SRGAP3: variants seen among roughly 807,000 people sequenced by gnomAD.
SRGAP3 encodes the protein SLIT-ROBO Rho GTPase activating protein 3, also known as SLIT-ROBO Rho GTPase-activating protein 3.
SRGAP3 carries 39 observed loss-of-function variants against 121.1 expected under a neutral mutation model. That is an observed-to-expected ratio of 0.32 (90% CI 0.25 to 0.42). SRGAP3 has a LOEUF of 0.42. Among genes scored for constraint, SRGAP3 ranks in the 10% least tolerant of loss-of-function variants. The pLI is 1.00. For synonymous variants in SRGAP3, 601 were observed against 570.0 expected (o/e 1.05, Z -0.77); for missense variants, 1,213 against 1,470.6 (o/e 0.82, Z 2.86).
chr3:9,347,870 C>T (rs1955935235), intron 1 of SRGAP3, among the ~76,000 whole-genome samples: 1 of 152,222 alleles, frequency 6.6e-6, no homozygotes. Flanking sequence ...AACTGATCTA[C>T]TGAGTAATAC....
intron 1 of SRGAP3, among the ~76,000 whole-genome samples, chr3:9,241,327 G>A (rs1308069697): frequency 6.6e-6 from 1 of 152,076 alleles, no homozygotes; most frequent in Non-Finnish European, 1.5e-5. Flanking sequence ...ATGAATAATA[G>A]GAGTTTCTGG....
chr3:9,231,676 T>C (rs905075339), intron 1 of SRGAP3, among the ~76,000 whole-genome samples: 1 of 152,178 alleles, frequency 6.6e-6, no homozygotes, highest in Non-Finnish European at 1.5e-5. Context: ...GCTTCTGCAC[T>C]CAATGAGCTC....
chr3:9,061,760 G>C (rs942525530), intron 5 of SRGAP3, among the ~76,000 whole-genome samples: 8 of 152,222 alleles, frequency 5.3e-5, no homozygotes, highest in African/African-American at 1.9e-4. Flanking sequence ...CTGGATGGGA[G>C]AGGTGGGGTG....
intron 3 of SRGAP3, among the ~76,000 whole-genome samples, chr3:9,291,313 G>A (rs1241631116): frequency 2.0e-5 from 3 of 152,038 alleles, no homozygotes; most frequent in African/African-American, 4.8e-5. Flanking sequence ...CTGTGTTCCC[G>A]CTCTCATTAC....
chr3:9,146,287 G>A (rs527894435), intron 1 of SRGAP3, among the ~76,000 whole-genome samples: 1 of 152,192 alleles, frequency 6.6e-6, no homozygotes, highest in Non-Finnish European at 1.5e-5. Context: ...AAAGGTTCTT[G>A]TAGTAGAGTT....
intron 3 of SRGAP3, among the ~76,000 whole-genome samples, chr3:9,296,302 T>C (rs1025455574): frequency 1.3e-5 from 2 of 152,210 alleles, no homozygotes; most frequent in African/African-American, 4.8e-5. Context: ...GGCCAATGCT[T>C]ATTGTTTTCT....
At chr3:9,080,802 G>A (rs1463166545) in intron 3 of SRGAP3, among the ~76,000 whole-genome samples, 1 of 152,154 alleles carries the variant, frequency 6.6e-6, no homozygotes, top group Admixed American at 6.5e-5. Flanking sequence ...TCTAATGCAG[G>A]ATGATCTGTC....
chr3:9,323,556 G>C (rs752936062), intron 3 of SRGAP3, among the ~76,000 whole-genome samples: 1 of 151,752 alleles, frequency 6.6e-6, no homozygotes, highest in Non-Finnish European at 1.5e-5. Context: ...CACTCTGGAA[G>C]ATTCAGGTCT....
chr3:9,249,740 A>T (rs1953956457), upstream of SRGAP3: 2 of 222,546 alleles, frequency 9.0e-6, no homozygotes, highest in Non-Finnish European at 1.8e-5. Flanking sequence ...ATTGTAGCCT[A>T]CAGGAGAGCA....
intron 9 of SRGAP3, 83 bp from the exon 10 acceptor site, chr3:9,047,558 A>C: frequency 2.9e-6 from 4 of 1,388,746 alleles, no homozygotes; most frequent in Non-Finnish European, 4.1e-6. Context: ...CCTCTGGGAC[A>C]CGGAAGCCGA....
intron 18 of SRGAP3, among the ~76,000 whole-genome samples, chr3:8,999,697 C>G (rs1942632176): frequency 6.6e-6 from 1 of 152,200 alleles, no homozygotes; most frequent in African/African-American, 2.4e-5. Context: ...AAGCCAGGGC[C>G]TGTTTACAGG....
intron 1 of SRGAP3, among the ~76,000 whole-genome samples, chr3:9,144,848 G>A (rs1021038252): frequency 6.6e-6 from 1 of 152,194 alleles, no homozygotes; most frequent in Non-Finnish European, 1.5e-5. Context: ...CTCACGTTTG[G>A]GGAAATTGAG....
At chr3:9,328,079 G>T (rs1051474337) in intron 2 of SRGAP3, among the ~76,000 whole-genome samples, 2 of 152,054 alleles carry the variant, frequency 1.3e-5, no homozygotes, top group African/African-American at 4.8e-5. Context: ...CCTAATATCT[G>T]CCCTGCATAA....
rs573743174 is a variant in SRGAP3, at chr3:9,351,244, G to A, written n.214+11596C>T. Among the ~76,000 whole-genome samples the A allele has an allele frequency of 4.6e-5, 7 of 152,262 alleles. No individual in the cohort carries two copies. The South Asian group carries it at 1.5e-3, about 32-fold the overall frequency. ...GCAATAGTGGTACTTATAACCATGA[G>A]AAGAATTGTTGAAAAACCTTTGTAG... On this transcript the variant is annotated intron_variant and non_coding_transcript_variant, in intron 1 of 3. Transcript: ENST00000490889.
intron 2 of SRGAP3, among the ~76,000 whole-genome samples, chr3:9,120,004 A>C (rs886489994): frequency 2.6e-5 from 4 of 152,244 alleles, no homozygotes; most frequent in Non-Finnish European, 5.9e-5. Context: ...CTTTGGGGGC[A>C]TTGCAGTTAT....
chr3:9,001,777 G>A (rs58698381), intron 18 of SRGAP3, among the ~76,000 whole-genome samples: 30,735 of 151,950 alleles, frequency 0.2, 3,602 homozygotes, highest in East Asian at 0.56. Context: ...TACTAATATC[G>A]ATAAAATAGA....
chr3:9,005,341 G>T (rs1278829700), intron 18 of SRGAP3, among the ~76,000 whole-genome samples: 4 of 152,156 alleles, frequency 2.6e-5, no homozygotes, highest in Non-Finnish European at 4.4e-5. Flanking sequence ...TTGCAAAATG[G>T]TGCGGTCATT....
chr3:9,125,038 C>T, intron 1 of SRGAP3, 121 bp from the exon 2 acceptor site: 1 of 1,115,340 alleles, frequency 9.0e-7, no homozygotes. Flanking sequence ...CATCCAGAGC[C>T]TCTCTGAGCC....
chr3:9,047,759 C>G (rs1945362210), intron 9 of SRGAP3, among the ~76,000 whole-genome samples: 1 of 152,230 alleles, frequency 6.6e-6, no homozygotes, highest in Non-Finnish European at 1.5e-5. Flanking sequence ...GCAGTGAAAG[C>G]TGCCTTTGTC....
Sources: allele counts gnomAD v4.1 joint callset (sites outside exome capture counted in the v4.1 genomes callset), GRCh38; gene constraint gnomAD v4.1.1; transcripts MANE v1.5; gene names NCBI Gene and HGNC (gene_info 2026-07-23, HGNC 2026-07-21).